The following CLIC5 variants were observed in gnomAD, a reference collection of about 807,000 sequenced individuals.
The protein encoded by CLIC5 is chloride intracellular channel protein 5.
Under a neutral mutation model 24.7 loss-of-function variants are expected in CLIC5, and 20 were observed. That is an observed-to-expected ratio of 0.81 (90% confidence interval 0.57 to 1.18). CLIC5 has a LOEUF of 1.18. CLIC5 is among the 50% of genes most tolerant of loss of function. The pLI is 0.00. For synonymous variants in CLIC5, 159 were observed against 135.6 expected (o/e 1.17, Z -1.20); for missense variants, 341 against 326.1 (o/e 1.05, Z -0.35).
chr6:46,105,373 A>G, the CLIC5 span, among the ~76,000 whole-genome samples: 1 of 152,138 alleles, frequency 6.6e-6, no homozygotes, highest in African/African-American at 2.4e-5. Context: ...GCCAATATTC[A>G]AGCTATATAT....
At chr6:46,005,547 C>T (rs1156652778) in intron 1 of CLIC5, among the ~76,000 whole-genome samples, 1 of 152,154 alleles carries the variant, frequency 6.6e-6, no homozygotes, top group Non-Finnish European at 1.5e-5. Context: ...AGCAGTCTTC[C>T]ACTTTATAAA....
chr6:45,904,008 AG>A (rs933118628), intron 5 of CLIC5, among the ~76,000 whole-genome samples: 2 of 152,270 alleles, frequency 1.3e-5, no homozygotes, highest in East Asian at 1.9e-4. Context: ...TGCCACAGTC[AG>A]GGGGGATGTG....
At chr6:45,967,255 C>A (rs952278278) in intron 1 of CLIC5, among the ~76,000 whole-genome samples, 3 of 152,192 alleles carry the variant, frequency 2.0e-5, no homozygotes, top group African/African-American at 7.2e-5. Flanking sequence ...TACCAAGGGC[C>A]AGCTTGGTTC....
At chr6:46,074,546 C>G (rs1762714758) in intron 1 of CLIC5, among the ~76,000 whole-genome samples, 1 of 152,210 alleles carries the variant, frequency 6.6e-6, no homozygotes, top group South Asian at 2.1e-4. Flanking sequence ...GCCCCCTAAA[C>G]TTGTTCAGTG....
At position 46,068,486 on chromosome 6, in the gene CLIC5, G is replaced by A. The variant is rs190835255; in HGVS notation, c.540+11217C>T. On this transcript the variant is annotated intron_variant, in intron 1 of 5. Transcript: ENST00000185206. ...AAGTATGCCAATGGACCAAGTATAT[G>A]AGAATGGAGGCAGATCTTCCTTCAG... 1.2e-3 allele frequency among the ~76,000 whole-genome samples: 183 copies of A among 152,190 alleles called. 2 individuals are homozygous for A. The highest frequency in any genetic ancestry group is 3.9e-3 in the Admixed American group (60 of 15,268).
At chr6:45,946,866 T>C (rs1764305865) in intron 3 of CLIC5, among the ~76,000 whole-genome samples, 1 of 152,218 alleles carries the variant, frequency 6.6e-6, no homozygotes, top group Non-Finnish European at 1.5e-5. Context: ...GGTAGGCTTC[T>C]GGAGATATGC....
chr6:45,938,433 G>T lies in CLIC5; in HGVS notation c.406+3114C>A, dbSNP rs1764016218. On this transcript the variant is annotated intron_variant, in intron 4 of 5. Coordinates refer to ENST00000339561, the MANE Select transcript of CLIC5 (RefSeq NM_016929.5). ...AAGTAAAGAGGAAGGGAGGGGTGTGGGCAAGTTATAGTTCCAGGGAAGGAA... is the reference window on the plus strand; with the variant it reads ...AAGTAAAGAGGAAGGGAGGGGTGTGTGCAAGTTATAGTTCCAGGGAAGGAA... 2.0e-5 allele frequency among the ~76,000 whole-genome samples: 3 copies of T among 152,194 alleles called. No homozygotes were observed. The South Asian group carries it at 6.2e-4, about 32-fold the overall frequency.
intron 1 of CLIC5, among the ~76,000 whole-genome samples, chr6:46,001,223 T>C (rs1204819115): frequency 6.6e-6 from 1 of 151,930 alleles, no homozygotes; most frequent in Non-Finnish European, 1.5e-5. Flanking sequence ...TCTCCTGGGG[T>C]AGGTGGGTAC....
chr6:46,116,798 G>A, the CLIC5 span, among the ~76,000 whole-genome samples: 19 of 152,294 alleles, frequency 1.2e-4, no homozygotes, highest in African/African-American at 4.6e-4. Context: ...GATGTGTGGT[G>A]AAGTCAGCAG....
chr6:46,066,390 T>A (rs1762443920), intron 1 of CLIC5, among the ~76,000 whole-genome samples: 1 of 152,140 alleles, frequency 6.6e-6, no homozygotes. Context: ...ACTAGCTGGT[T>A]TGTCACCAGG....
intron 4 of CLIC5, chr6:45,932,569 C>T (rs1487031709): frequency 3.3e-5 from 5 of 152,370 alleles, no homozygotes; most frequent in Admixed American, 6.5e-5. Context: ...TAGGGAGGAC[C>T]AGAGCCGGCT....
chr6:46,030,724 G>A lies in CLIC5; in HGVS notation c.540+48979C>T, dbSNP rs113849557. ...TGCTGTTCCAAACCTCCATGCCTTT[G>A]CTCATGTTGCTTGAAATACTTTCTT... On this transcript the variant is annotated intron_variant, in intron 1 of 5. Coordinates refer to the CLIC5 transcript ENST00000185206. 7.2e-3 allele frequency among the ~76,000 whole-genome samples: 1,090 copies of A among 152,250 alleles called. 14 individuals carry two copies. The highest frequency in any genetic ancestry group is 0.024 in the African/African-American group (1,006 of 41,530).
chr6:46,097,063 C>A, the CLIC5 span: 1 of 152,188 alleles, frequency 6.6e-6, no homozygotes, highest in Non-Finnish European at 1.5e-5. Context: ...TTACACATTT[C>A]ATTCTTTATA....
At chr6:46,011,416 G>T (rs1303305122) in intron 1 of CLIC5, among the ~76,000 whole-genome samples, 1 of 152,238 alleles carries the variant, frequency 6.6e-6, no homozygotes, top group Non-Finnish European at 1.5e-5. Context: ...AGGGCTGCAC[G>T]CTGGAGCCAC....
At chr6:45,944,168 G>A (rs553439371) in intron 3 of CLIC5, among the ~76,000 whole-genome samples, 2 of 151,832 alleles carry the variant, frequency 1.3e-5, no homozygotes, top group African/African-American at 4.8e-5. Flanking sequence ...ACCCCTATTT[G>A]TCTGAGGTTC....
Position 46,065,615 on chromosome 6 carries a change from C to T in CLIC5, c.540+14088G>A, listed in dbSNP as rs76637867. Among the ~76,000 whole-genome samples the T allele has an allele frequency of 5.5e-3, 844 of 152,248 alleles. 6 individuals carry two copies. Among genetic ancestry groups the T allele is most frequent in the African/African-American group, 0.018 (730 of 41,552 alleles). ...TAAAAAGGGACCAACTGCTGATTTA[C>T]GTACCAACATGGTGAGTTCAAAAGC... On this transcript the variant is annotated intron_variant, in intron 1 of 5. Transcript: ENST00000185206.
chr6:45,992,443 C>A (rs1322909504), intron 1 of CLIC5, among the ~76,000 whole-genome samples: 1 of 152,152 alleles, frequency 6.6e-6, no homozygotes, highest in Non-Finnish European at 1.5e-5. Context: ...TAATGGGGAT[C>A]CTGAAAGTGA....
chr6:45,897,221 A>G (rs1174099039), downstream of CLIC5, among the ~76,000 whole-genome samples: 1 of 152,182 alleles, frequency 6.6e-6, no homozygotes, highest in African/African-American at 2.4e-5. Flanking sequence ...CAGTGACCTA[A>G]GGAGTCACTT....
At chr6:46,129,369 C>T in the CLIC5 span, 1 of 152,198 alleles carries the variant, frequency 6.6e-6, no homozygotes, top group South Asian at 2.1e-4. Context: ...TATTAAATAA[C>T]CTTCCAATTA....
Sources: allele counts gnomAD v4.1 joint callset (sites outside exome capture counted in the v4.1 genomes callset), GRCh38; gene constraint gnomAD v4.1.1; transcripts MANE v1.5; gene names NCBI Gene and HGNC (gene_info 2026-07-23, HGNC 2026-07-21).